The following C13orf42 variants were observed in gnomAD, a reference collection of about 807,000 sequenced individuals.
The protein encoded by C13orf42 is chromosome 13 open reading frame 42.
chr13:51,155,721 A>C (rs1252197439), intron 1 of C13orf42, among the ~76,000 whole-genome samples: 2 of 152,196 alleles, frequency 1.3e-5, no homozygotes, highest in Non-Finnish European at 2.9e-5. Context: ...TTCTATTTAT[A>C]TCTCTTCCAT....
Position 51,084,130 on chromosome 13 carries a change from C to T in C13orf42, c.*21G>A, listed in dbSNP as rs1953094859. On this transcript the variant is annotated 3_prime_UTR_variant, in exon 4 of 4. Transcript: ENST00000563710. ...CTTCTCAGGGACCCAGTCTGAGACA[C>T]GTCAAGGAATCCAGATGGAGTCAGG... 1.3e-5 allele frequency: 5 copies of T among 398,676 alleles called. No homozygotes were observed. The highest frequency in any genetic ancestry group is 3.6e-5 in the East Asian group (1 of 28,082). The allele number at this position is 398,676 out of a possible 1,614,324, so 24.7% of individuals were successfully genotyped here. A position where few individuals can be genotyped will look rare whatever the true frequency, so the allele number is the denominator to read the frequency against.
intron 1 of C13orf42, among the ~76,000 whole-genome samples, chr13:51,091,994 C>A (rs1465205309): frequency 6.6e-6 from 1 of 152,132 alleles, no homozygotes; most frequent in African/African-American, 2.4e-5. Context: ...CTCCATCCAT[C>A]CCCTGCTGCT....
chr13:51,127,258 C>G (rs1370251826), intron 1 of C13orf42, among the ~76,000 whole-genome samples: 1 of 152,126 alleles, frequency 6.6e-6, no homozygotes, highest in Non-Finnish European at 1.5e-5. Flanking sequence ...GAATAACAAC[C>G]AAGAAGGAAT....
chr13:51,136,196 G>A (rs1391687190), intron 1 of C13orf42, among the ~76,000 whole-genome samples: 1 of 152,232 alleles, frequency 6.6e-6, no homozygotes, highest in South Asian at 2.1e-4. Flanking sequence ...TGAGCTGGTC[G>A]GTGCTAGGCA....
At chr13:51,120,161 A>G (rs181333950) in intron 1 of C13orf42, among the ~76,000 whole-genome samples, 35 of 152,292 alleles carry the variant, frequency 2.3e-4, no homozygotes, top group African/African-American at 8.2e-4. Flanking sequence ...AGTAATAATC[A>G]TGGTTAATAT....
chr13:51,117,299 G>C (rs1256086540), intron 1 of C13orf42, among the ~76,000 whole-genome samples: 2 of 152,180 alleles, frequency 1.3e-5, no homozygotes, highest in African/African-American at 4.8e-5. Context: ...AGATTATAGT[G>C]CCCAAAATTG....
intron 1 of C13orf42, among the ~76,000 whole-genome samples, chr13:51,156,871 A>C (rs1002921781): frequency 6.6e-6 from 1 of 152,210 alleles, no homozygotes. Flanking sequence ...ACTCTGTTGC[A>C]AGGGAATAAT....
intron 1 of C13orf42, among the ~76,000 whole-genome samples, chr13:51,144,923 C>T (rs936688135): frequency 6.3e-4 from 96 of 152,172 alleles, no homozygotes; most frequent in Non-Finnish European, 1.0e-4. Context: ...AATAATTAGG[C>T]CAAGTATAAT....
chr13:51,145,718 A>T (rs957511899), intron 1 of C13orf42, among the ~76,000 whole-genome samples: 4 of 112,646 alleles, frequency 3.6e-5, no homozygotes, highest in African/African-American at 1.4e-4. Context: ...GAGAAACTCA[A>T]AAGAATATAA....
chr13:51,124,547 T>TCC (rs1953561192), intron 1 of C13orf42, among the ~76,000 whole-genome samples: 1 of 152,228 alleles, frequency 6.6e-6, no homozygotes. Flanking sequence ...TCCTGGAATC[T>TCC]CCTGCCTTTT....
chr13:51,169,289 A>C (rs1953926610), intron 1 of C13orf42, among the ~76,000 whole-genome samples: 1 of 152,242 alleles, frequency 6.6e-6, no homozygotes, highest in Non-Finnish European at 1.5e-5. Flanking sequence ...AAGAGGTCTC[A>C]GATGGAGATG....
intron 1 of C13orf42, among the ~76,000 whole-genome samples, chr13:51,166,696 C>A (rs1344841542): frequency 6.6e-6 from 1 of 151,772 alleles, no homozygotes; most frequent in East Asian, 1.9e-4. Flanking sequence ...AATTTACAAT[C>A]TCAAGGTTGT....
chr13:51,135,692 A>G (rs955850825), intron 1 of C13orf42, among the ~76,000 whole-genome samples: 2 of 151,552 alleles, frequency 1.3e-5, no homozygotes, highest in Non-Finnish European at 2.9e-5. Flanking sequence ...AAACTCCTCT[A>G]GTGATCCTTA....
upstream of C13orf42, among the ~76,000 whole-genome samples, chr13:51,111,807 G>A (rs1243000334): frequency 6.6e-6 from 1 of 151,986 alleles, no homozygotes; most frequent in Admixed American, 6.6e-5. Context: ...CCAGGGCGTT[G>A]ACAGGAGCTC....
chr13:51,123,334 G>A (rs2138015687), intron 1 of C13orf42, among the ~76,000 whole-genome samples: 1 of 152,344 alleles, frequency 6.6e-6, no homozygotes, highest in Admixed American at 6.5e-5. Context: ...GACTAAGGCT[G>A]ACCCAAGCTT....
intron 1 of C13orf42, among the ~76,000 whole-genome samples, chr13:51,148,573 A>G (rs1953755844): frequency 6.6e-6 from 1 of 152,170 alleles, no homozygotes; most frequent in African/African-American, 2.4e-5. Flanking sequence ...AGCTCATGCA[A>G]TCCCCTGAGG....
At chr13:51,169,795 C>T (rs572435815) in intron 1 of C13orf42, among the ~76,000 whole-genome samples, 1 of 152,190 alleles carries the variant, frequency 6.6e-6, no homozygotes, top group Non-Finnish European at 1.5e-5. Context: ...AGCTTGGAAG[C>T]CTCTGCCTAG....
intron 1 of C13orf42, among the ~76,000 whole-genome samples, chr13:51,089,385 A>G (rs1435841420): frequency 1.3e-5 from 2 of 152,108 alleles, no homozygotes; most frequent in African/African-American, 4.8e-5. Context: ...CTCATTCTGA[A>G]TTGTAATCCC....
At chr13:51,122,154 G>A (rs569258387) in intron 1 of C13orf42, among the ~76,000 whole-genome samples, 13 of 151,828 alleles carry the variant, frequency 8.6e-5, no homozygotes, top group Admixed American at 1.3e-4. Flanking sequence ...TAGTAAATAC[G>A]GTATAATGTA....
Sources: allele counts gnomAD v4.1 joint callset (sites outside exome capture counted in the v4.1 genomes callset), GRCh38; gene constraint gnomAD v4.1.1; transcripts MANE v1.5; gene names NCBI Gene and HGNC (gene_info 2026-07-23, HGNC 2026-07-21).